Variants in ACTMAP observed in about 807,000 individuals in gnomAD.
The protein encoded by ACTMAP is actin maturation protease, also known as UPF0692 protein C19orf54.
At chr19:40,744,545 G>C in the ACTMAP span, 1 of 1,612,920 alleles carries the variant, frequency 6.2e-7, no homozygotes, top group African/African-American at 1.3e-5. Flanking sequence ...GGAGCATGCA[G>C]TCACCCAGCT....
the ACTMAP span, chr19:40,742,776 G>A: frequency 1.2e-6 from 2 of 1,601,958 alleles, no homozygotes; most frequent in Non-Finnish European, 1.7e-6. Flanking sequence ...GACCCCTGGG[G>A]GAGAGGAGAA....
At chr19:40,749,210 C>T in the ACTMAP span, among the ~76,000 whole-genome samples, 3 of 152,062 alleles carry the variant, frequency 2.0e-5, no homozygotes, top group Admixed American at 2.0e-4. Flanking sequence ...AGGCAGGTCT[C>T]CAACTCCTGA....
chr19:40,742,215 T>A, the ACTMAP span: 1 of 700,126 alleles, frequency 1.4e-6, no homozygotes, highest in Non-Finnish European at 2.6e-6. Flanking sequence ...CGATGCGACA[T>A]TCAGATGGAA....
the ACTMAP span, chr19:40,749,855 T>A: frequency 3.8e-3 from 2,700 of 719,870 alleles, no homozygotes; most frequent in Non-Finnish European, 5.2e-3. Flanking sequence ...GAGGGAAGGA[T>A]CCTCCAACGG....
chr19:40,749,666 C>A, the ACTMAP span: 7 of 1,539,164 alleles, frequency 4.5e-6, no homozygotes, highest in South Asian at 8.4e-5. Flanking sequence ...TCTGCTGACT[C>A]CAGGGAGGGG....
the ACTMAP span, among the ~76,000 whole-genome samples, chr19:40,746,612 T>C: frequency 6.6e-6 from 1 of 152,172 alleles, no homozygotes; most frequent in Admixed American, 6.5e-5. Context: ...CCTGACTTCG[T>C]GATTTGCCCG....
the ACTMAP span, among the ~76,000 whole-genome samples, chr19:40,749,225 A>G: frequency 6.6e-6 from 1 of 152,076 alleles, no homozygotes; most frequent in African/African-American, 2.4e-5. Flanking sequence ...TCCTGACCTC[A>G]GGTGATCCAC....
the ACTMAP span, chr19:40,742,121 G>A: frequency 1.8e-6 from 1 of 568,012 alleles, no homozygotes; most frequent in African/African-American, 1.8e-5. Flanking sequence ...CAGTGTCCCT[G>A]TCCTGTGAGA....
At chr19:40,745,097 G>A in the ACTMAP span, 1 of 1,550,926 alleles carries the variant, frequency 6.4e-7, no homozygotes, top group African/African-American at 1.4e-5. Context: ...AAAGGCAGCA[G>A]ATGGGCTGGG....
chr19:40,748,686 A>G, the ACTMAP span, among the ~76,000 whole-genome samples: 2 of 152,160 alleles, frequency 1.3e-5, no homozygotes, highest in Admixed American at 1.3e-4. Flanking sequence ...TGCCGCTTTC[A>G]CAGCCCCATG....
At chr19:40,747,047 T>C in the ACTMAP span, among the ~76,000 whole-genome samples, 1 of 151,296 alleles carries the variant, frequency 6.6e-6, no homozygotes, top group South Asian at 2.1e-4. Context: ...CCTCAGGTGA[T>C]CTGCCTGCCT....
At chr19:40,740,949 G>A in the ACTMAP span, 2 of 398,692 alleles carry the variant, frequency 5.0e-6, no homozygotes, top group South Asian at 2.5e-4. Context: ...TTGGGAAAGA[G>A]GCAGGCTCCA....
chr19:40,745,132 A>C, the ACTMAP span: 1 of 1,551,912 alleles, frequency 6.4e-7, no homozygotes, highest in Non-Finnish European at 8.7e-7. Flanking sequence ...GCACATACTG[A>C]GGGCCTTCTT....
At chr19:40,745,202 A>AAGCAG in the ACTMAP span, 1 of 1,551,660 alleles carries the variant, frequency 6.4e-7, no homozygotes, top group African/African-American at 1.4e-5. Flanking sequence ...TCGGAACCTG[A>AAGCAG]AGCAGAGCCG....
At chr19:40,745,101 G>A in the ACTMAP span, 1 of 1,551,310 alleles carries the variant, frequency 6.4e-7, no homozygotes, top group South Asian at 1.2e-5. Flanking sequence ...GCAGCAGATG[G>A]GCTGGGGTTC....
chr19:40,744,054 G>GGCCCTGGGATACGGGATGAGCA, the ACTMAP span: 3 of 1,613,880 alleles, frequency 1.9e-6, no homozygotes, highest in African/African-American at 1.3e-5. Flanking sequence ...CTCTCTCCCA[G>GGCCCTGGGATACGGGATGAGCA]GCCCTGGGAT....
the ACTMAP span, among the ~76,000 whole-genome samples, chr19:40,748,216 C>A: frequency 6.6e-6 from 1 of 152,066 alleles, no homozygotes; most frequent in East Asian, 1.9e-4. Context: ...GTAATCCCAC[C>A]ACTTTGGGAG....
the ACTMAP span, chr19:40,744,924 C>T: frequency 3.9e-4 from 311 of 794,946 alleles, no homozygotes; most frequent in Non-Finnish European, 8.9e-5. Context: ...AGAGATGGAC[C>T]AGGCTCATTC....
At chr19:40,742,142 C>CCAGG in the ACTMAP span, 1 of 601,328 alleles carries the variant, frequency 1.7e-6, no homozygotes, top group Admixed American at 2.1e-5. Context: ...AGCAGAGGGC[C>CCAGG]CAGGCAGGAG....
Sources: gnomAD v4.1 joint callset for allele counts (sites outside exome capture counted in the v4.1 genomes callset) on GRCh38, gnomAD v4.1.1 for gene constraint, MANE v1.5 for transcripts, NCBI Gene and HGNC (gene_info 2026-07-23, HGNC 2026-07-21) for gene names.